Variants in SH3TC2 observed in about 807,000 individuals in gnomAD.
The protein encoded by SH3TC2 is SH3 domain and tetratricopeptide repeats 2.
A neutral mutation model predicts 124.5 loss-of-function variants in SH3TC2; 87 were observed. That is an observed-to-expected ratio of 0.70 (90% CI 0.59 to 0.84). The LOEUF (loss-of-function observed/expected upper bound fraction) is 0.84, where lower values mean the gene tolerates loss of function less well. Among genes scored for constraint, SH3TC2 ranks in the 40% least tolerant of loss-of-function variants. SH3TC2 has a pLI of 0.00. For missense variants in SH3TC2, 1,536 were observed against 1,566.4 expected (o/e 0.98, Z 0.33); for synonymous variants, 634 against 628.5 (o/e 1.01, Z -0.13).
At chr5:149,007,259 T>C (rs926138615) in intron 15 of SH3TC2, 182 bp from the exon 16 acceptor site, 2 of 673,884 alleles carry the variant, frequency 3.0e-6, no homozygotes, top group Non-Finnish European at 5.4e-6. Flanking sequence ...TGACAGACAT[T>C]CCTTAAATAA....
Position 148,990,398 on chromosome 5 carries a change from G to A in SH3TC2, c.*14313C>T, listed in dbSNP as rs1015372895. Among the ~76,000 whole-genome samples, 1 of 152,088 alleles carries A rather than the reference G, an allele frequency of 6.6e-6. No individual in the cohort carries two copies. Among genetic ancestry groups the A allele is most frequent in the Non-Finnish European group, 1.5e-5 (1 of 68,024 alleles). On this transcript the variant is annotated 3_prime_UTR_variant, in exon 17 of 17. Transcript: ENST00000515425. Reference sequence around the variant, plus strand: ...CAAACACACATACCCACACAATGTTGTGCTGCCAAGTGGTTCACAGGAGAG... The same window carrying A: ...CAAACACACATACCCACACAATGTTATGCTGCCAAGTGGTTCACAGGAGAG...
chr5:149,012,483 C>G (rs1580891182), intron 13 of SH3TC2, 101 bp downstream of exon 13: 2 of 1,452,820 alleles, frequency 1.4e-6, no homozygotes, highest in East Asian at 4.6e-5. Context: ...TTAGGGTGAA[C>G]ATCATCCCTC....
chr5:149,014,886 G>C (rs942131785), intron 12 of SH3TC2, among the ~76,000 whole-genome samples: 17 of 152,316 alleles, frequency 1.1e-4, no homozygotes, highest in African/African-American at 3.8e-4. Flanking sequence ...TAGAGCAGTT[G>C]ATGAAGACAA....
At position 148,996,060 on chromosome 5, in the gene SH3TC2, G is replaced by C. The variant is rs1753504587; in HGVS notation, c.*8651C>G. Among the ~76,000 whole-genome samples, 1 of 151,448 alleles carries C rather than the reference G, an allele frequency of 6.6e-6. No individual in the cohort carries two copies. Among genetic ancestry groups the C allele is most frequent in the Non-Finnish European group, 1.5e-5 (1 of 67,936 alleles). On this transcript the variant is annotated 3_prime_UTR_variant, in exon 17 of 17. Coordinates refer to ENST00000515425, the MANE Select transcript of SH3TC2 (RefSeq NM_024577.4). ...AGTTTGAGACTAGCATGGGCAACAT[G>C]GTGGAAACCCATCTCTACAAAAACT...
chr5:149,015,315 T>A (rs910544536), intron 12 of SH3TC2, among the ~76,000 whole-genome samples: 3 of 152,334 alleles, frequency 2.0e-5, no homozygotes, highest in East Asian at 3.9e-4. Flanking sequence ...TCCAGCTTCC[T>A]TGGTTCCTTC....
rs1174965966 is a variant in SH3TC2 at position 149,004,556 on chromosome 5, T to C, written c.*155A>G. 4 of 748,448 alleles carry C rather than the reference T, an allele frequency of 5.3e-6. No individual in the cohort carries two copies. Among genetic ancestry groups the C allele is most frequent in the Non-Finnish European group, 8.7e-6 (4 of 460,356 alleles). 46.4% of individuals were successfully genotyped at this position (748,448 alleles called of 1,614,324 possible). The stretch of plus-strand genomic sequence containing the variant: ...CATCAAATCTTTCTGTGGCCTGCAA[T>C]GAGCCCTTCTCCTCCTGGACTTCAT... On this transcript the variant is annotated 3_prime_UTR_variant, in exon 17 of 17. Transcript: ENST00000515425.
chr5:149,040,717 A>G (rs772341846), intron 6 of SH3TC2, 40 bp from the exon 7 acceptor site: 1 of 1,531,062 alleles, frequency 6.5e-7, no homozygotes, highest in African/African-American at 1.4e-5. Flanking sequence ...ACAGATTTCA[A>G]AAAATTGCAA....
chr5:149,025,223 C>T (rs1754043660), intron 12 of SH3TC2, among the ~76,000 whole-genome samples: 1 of 152,102 alleles, frequency 6.6e-6, no homozygotes, highest in Non-Finnish European at 1.5e-5. Flanking sequence ...CCAAAGCTCC[C>T]TCCCTGGGAC....
chr5:149,003,002 A>T lies in SH3TC2; in HGVS notation c.*1709T>A, dbSNP rs913128363. The T allele has an allele frequency of 6.5e-5, 10 of 152,876 alleles. No individual in the cohort carries two copies. The highest frequency in any genetic ancestry group is 1.3e-4 in the Non-Finnish European group (9 of 68,052). 9.5% of individuals were successfully genotyped at this position (152,876 alleles called of 1,614,324 possible). ...ATCCAGAGATTCTGATTCAGAGATC[A>T]TAGGTGGGGCCACAGATTTTCATTT... On this transcript the variant is annotated 3_prime_UTR_variant, in exon 17 of 17. Coordinates refer to ENST00000515425, the MANE Select transcript of SH3TC2 (RefSeq NM_024577.4).
chr5:149,032,652 C>A (rs1430899902), intron 8 of SH3TC2, among the ~76,000 whole-genome samples: 1 of 152,182 alleles, frequency 6.6e-6, no homozygotes, highest in Non-Finnish European at 1.5e-5. Context: ...ATCCTTTTTA[C>A]AGACGAATAA....
At chr5:149,017,286 C>T (rs544301001) in intron 12 of SH3TC2, among the ~76,000 whole-genome samples, 7 of 152,252 alleles carry the variant, frequency 4.6e-5, no homozygotes, top group South Asian at 4.1e-4. Context: ...GGACCCCATC[C>T]GGCTCAGTTC....
chr5:148,982,925 C>T lies in SH3TC2; in HGVS notation c.*21786G>A, dbSNP rs6890482. Among the ~76,000 whole-genome samples, 559 of 152,318 alleles carry T rather than the reference C, an allele frequency of 3.7e-3. 2 individuals carry two copies. Among genetic ancestry groups the T allele is most frequent in the African/African-American group, 0.011 (446 of 41,572 alleles). ...GTGAAAGATAACTTTAGGAGACTGACGCAGCAGAGGCATCATGTCTGCAAG... is the reference window on the plus strand; with the variant it reads ...GTGAAAGATAACTTTAGGAGACTGATGCAGCAGAGGCATCATGTCTGCAAG... On this transcript the variant is annotated 3_prime_UTR_variant, in exon 17 of 17. Coordinates refer to ENST00000515425, the MANE Select transcript of SH3TC2 (RefSeq NM_024577.4).
chr5:149,056,628 G>C (rs1226850598), intron 1 of SH3TC2, among the ~76,000 whole-genome samples: 3 of 152,142 alleles, frequency 2.0e-5, no homozygotes, highest in Non-Finnish European at 4.4e-5. Flanking sequence ...ATGTCTTCTA[G>C]AGTGTGAGAA....
chr5:149,040,763 G>T (rs1245934861), intron 6 of SH3TC2, 86 bp from the exon 7 acceptor site: 4 of 1,117,684 alleles, frequency 3.6e-6, no homozygotes, highest in Non-Finnish European at 5.5e-6. Context: ...TAATGATGAT[G>T]ATGATGAGTA....
rs149762843 is a variant in SH3TC2, at chr5:149,062,992, G to A, written c.31C>T (p.Arg11Trp). The A allele has an allele frequency of 1.4e-4, 228 of 1,598,948 alleles. No homozygotes were observed. The highest frequency in any genetic ancestry group is 1.9e-4 in the Non-Finnish European group (218 of 1,172,358). The change falls in exon 1 of 17, where the codon CGG becomes TGG. Residue 11 changes from arginine to tryptophan, a missense_variant. Around this residue, in one of 3 missense-constraint regions of SH3TC2, gnomAD observed 1,102 missense variants for 1,098.6 expected, o/e 1.00. Transcript: ENST00000515425. The stretch of plus-strand genomic sequence containing the variant: ...TCACCTGGGCCCCGGGTCAGACTCC[G>A]CTCCCTGGGGATGCAGAAGCAGCCA... MGGCFCIPRE[R>W]SLTRGPGKET...
Position 149,044,561 on chromosome 5 carries a change from GA to G in SH3TC2, c.356del (p.Ile119ThrfsTer10). 1 of 1,613,982 alleles carries G rather than the reference GA, an allele frequency of 6.2e-7. No homozygotes were observed. Among genetic ancestry groups the G allele is most frequent in the Non-Finnish European group, 8.5e-7 (1 of 1,179,944 alleles). On this transcript the variant is annotated frameshift_variant, in exon 4 of 17. Transcript: ENST00000515425. LOFTEE classifies it high-confidence loss of function. The part of the protein sequence containing the change: ...FLITFKTMEE[I>X]WKFSTYLNLG... Reference sequence around the variant, plus strand: ...AATTAAGGTAGGTGGAGAACTTCCAGATTTCCTCCATGGTCTTGAAGGTGAT... The same window carrying G: ...AATTAAGGTAGGTGGAGAACTTCCAGTTTCCTCCATGGTCTTGAAGGTGAT...
At chr5:149,015,033 G>C (rs975785556) in intron 12 of SH3TC2, among the ~76,000 whole-genome samples, 2 of 152,168 alleles carry the variant, frequency 1.3e-5, no homozygotes, top group Non-Finnish European at 2.9e-5. Flanking sequence ...ATTACAGACA[G>C]GCCAACTGAC....
Position 148,990,249 on chromosome 5 carries a change from T to A in SH3TC2, c.*14462A>T, listed in dbSNP as rs1413828469. Among the ~76,000 whole-genome samples, 1 of 151,418 alleles carries A rather than the reference T, an allele frequency of 6.6e-6. No individual in the cohort carries two copies. The highest frequency in any genetic ancestry group is 1.9e-4 in the East Asian group (1 of 5,188). On this transcript the variant is annotated 3_prime_UTR_variant, in exon 17 of 17. Transcript: ENST00000515425. ...TAGGACATTGGTCATTTAAAATATA[T>A]TCATAGTAAGATGACAAACTGTTCC...
chr5:149,029,767 T>G (rs1754151517), intron 9 of SH3TC2, among the ~76,000 whole-genome samples: 1 of 152,122 alleles, frequency 6.6e-6, no homozygotes, highest in South Asian at 2.1e-4. Flanking sequence ...ACCTTGGGTT[T>G]GGCAGTGAAG....
Sources: allele counts gnomAD v4.1 joint callset (sites outside exome capture counted in the v4.1 genomes callset), GRCh38; gene constraint gnomAD v4.1.1; regional missense constraint gnomAD v4.1.1; transcripts MANE v1.5; gene names NCBI Gene and HGNC (gene_info 2026-07-23, HGNC 2026-07-21).